Variants in MUC12 observed in about 807,000 individuals in gnomAD.
MUC12 encodes mucin-12.
A neutral mutation model predicts 230.8 loss-of-function variants in MUC12; 172 were observed. The ratio of observed to expected loss-of-function variants is 0.75; its 90% confidence interval spans 0.66 to 0.85. The LOEUF is 0.85. Among genes scored for constraint, MUC12 ranks in the 40% least tolerant of loss-of-function variants. The pLI is 0.00. For synonymous variants in MUC12, 1,259 were observed against 2,401.9 expected (o/e 0.52, Z 13.91); for missense variants, 3,506 against 5,920.6 (o/e 0.59, Z 13.38).
chr7:100,974,103 T>G (rs192223871), intron 1 of MUC12, among the ~76,000 whole-genome samples: 375 of 152,238 alleles, frequency 2.5e-3, no homozygotes, highest in African/African-American at 8.8e-3. Flanking sequence ...GAGCTGTGAT[T>G]GCACCATTAC....
chr7:101,018,639 C>T lies in MUC12; in HGVS notation c.*3C>T. ...AGATGGTAGCATCCACTGTGTGAGC[C>T]AACGGGGGCCTCCCACCCTCATCTA... On this transcript the variant is annotated 3_prime_UTR_variant, in exon 12 of 12. Transcript: ENST00000536621. 1.3e-6 allele frequency: 2 copies of T among 1,535,680 alleles called. No individual in the cohort carries two copies. The highest frequency in any genetic ancestry group is 1.7e-6 in the Non-Finnish European group (2 of 1,146,038).
chr7:101,004,422 G>T lies in MUC12; in HGVS notation c.13859G>T (p.Ser4620Ile), dbSNP rs776249063. The T allele has an allele frequency of 2.0e-6, 3 of 1,512,622 alleles. No individual in the cohort carries two copies. The highest frequency in any genetic ancestry group is 1.2e-5 in the South Asian group (1 of 82,636). The allele number at this position is 1,512,622 out of a possible 1,614,324, so 93.7% of individuals were successfully genotyped here. A position where few individuals can be genotyped will look rare whatever the true frequency, so the allele number is the denominator to read the frequency against. Residue 4620 changes from serine (S) to isoleucine (I), a missense_variant, in exon 2 of 12, where the codon AGC becomes ATC. Physicochemically the swap from Ser to Ile is moderately radical, Grantham distance 142 (BLOSUM62 -2). Coordinates refer to ENST00000536621, the MANE Select transcript of MUC12 (RefSeq NM_001164462.2). The stretch of plus-strand genomic sequence containing the variant: ...ACTCAAACAATGCACTTCCCTGAAA[G>T]CTCCACAGCTTCAGGTCGTAGTGAA... ...GSTQTMHFPESSTASGRSEES... is the reference protein window; with the variant it reads ...GSTQTMHFPEISTASGRSEES...
rs942465475 is a variant in MUC12, at chr7:101,018,791, T to G, written c.*155T>G. The G allele has an allele frequency of 5.7e-6, 4 of 695,992 alleles. No homozygotes were observed. The highest frequency in any genetic ancestry group is 5.6e-5 in the African/African-American group (3 of 53,344). The allele number at this position is 695,992 out of a possible 1,614,324, so 43.1% of individuals were successfully genotyped here. A position where few individuals can be genotyped will look rare whatever the true frequency, so the allele number is the denominator to read the frequency against. Reference sequence around the variant, plus strand: ...TGACAGACTTGGCCAGTCCCCTGCCTGTGCTCCTGCTGGGGAAGGCTGGGG... The same window carrying G: ...TGACAGACTTGGCCAGTCCCCTGCCGGTGCTCCTGCTGGGGAAGGCTGGGG... On this transcript the variant is annotated 3_prime_UTR_variant, in exon 12 of 12. Coordinates refer to ENST00000536621, the MANE Select transcript of MUC12 (RefSeq NM_001164462.2).
rs1793279296 is a variant in MUC12, at chr7:100,990,971, A to C, written c.408A>C (p.Lys136Asn). The part of the protein sequence containing the change: ...GSTTTAGLSE[K>N]STTFYSSPRS... ...CCACAACAGCAGGCCTGAGTGAGAAATCTACCACCTTCTACAGTAGCCCCA... is the reference window on the plus strand; with the variant it reads ...CCACAACAGCAGGCCTGAGTGAGAACTCTACCACCTTCTACAGTAGCCCCA... The change falls in exon 2 of 12, where the codon AAA becomes AAC. Residue 136 changes from lysine (K) to asparagine (N), a missense_variant. Transcript: ENST00000536621. The C allele has an allele frequency of 6.5e-7, 1 of 1,537,864 alleles. No homozygotes were observed. The highest frequency in any genetic ancestry group is 2.0e-5 in the Admixed American group (1 of 50,994).
chr7:100,995,882 C>G lies in MUC12; in HGVS notation c.5319C>G (p.His1773Gln), dbSNP rs1377325616. The change falls in exon 2 of 12, where the codon CAC (histidine) becomes CAG (glutamine). Residue 1773 changes from histidine (H) to glutamine (Q), a missense_variant. Coordinates refer to ENST00000536621, the MANE Select transcript of MUC12 (RefSeq NM_001164462.2). The part of the protein sequence containing the change: ...SGLVEESTAY[H>Q]SSPGSTQTMH... ...TCGTTGAAGAATCTACGGCGTACCA[C>G]AGCAGCCCGGGCTCAACTCAAACAA... is the stretch of plus-strand genomic sequence containing the variant. 1.4e-6 allele frequency: 2 copies of G among 1,425,762 alleles called. No individual in the cohort carries two copies. The highest frequency in any genetic ancestry group is 1.9e-6 in the Non-Finnish European group (2 of 1,063,994). The allele number at this position is 1,425,762 out of a possible 1,614,324, so 88.3% of individuals were successfully genotyped here.
Position 100,991,183 on chromosome 7 carries a change from T to C in MUC12, c.620T>C (p.Leu207Pro), listed in dbSNP as rs1282510160. ...ATCCCCGGCTCCACAGACACAACACTGTCCCCTGGCACTACCACACCATCA... is the reference window on the plus strand; with the variant it reads ...ATCCCCGGCTCCACAGACACAACACCGTCCCCTGGCACTACCACACCATCA... ...HSIPGSTDTT[L>P]SPGTTTPSSL... Residue 207 changes from leucine to proline, a missense_variant, in exon 2 of 12, where the codon CTG becomes CCG. Coordinates refer to ENST00000536621, the MANE Select transcript of MUC12 (RefSeq NM_001164462.2). 2.0e-6 allele frequency: 3 copies of C among 1,537,366 alleles called. No individual in the cohort carries two copies. The highest frequency in any genetic ancestry group is 1.7e-6 in the Non-Finnish European group (2 of 1,146,790).
chr7:101,006,485 G>A lies in MUC12; in HGVS notation c.14971G>A (p.Gly4991Arg), dbSNP rs1562792682. ...ETLAPGLCQE[G>R]QIWNGKQCVC... ...TCTCTCCACAGGGTTGTGCCAGGAA[G>A]GACAAATTTGGAATGGAAAACAATG... Residue 4991 changes from glycine (G) to arginine (R), a missense_variant, in exon 3 of 12, where the codon GGA becomes AGA. Gly to Arg is a moderately radical substitution (Grantham distance 125). Transcript: ENST00000536621. 1.3e-6 allele frequency: 2 copies of A among 1,537,086 alleles called. No individual in the cohort carries two copies. The highest frequency in any genetic ancestry group is 4.9e-5 in the East Asian group (2 of 40,916).
At chr7:101,008,211 C>G (rs112348912) in intron 3 of MUC12, among the ~76,000 whole-genome samples, 2,479 of 152,176 alleles carry the variant, frequency 0.016, 69 homozygotes, top group African/African-American at 0.056. Context: ...ACCACAGCCT[C>G]GAACTCCTGG....
rs1000594386 is a variant in MUC12 at position 100,973,988 on chromosome 7, TA to T, written c.67+4310del. The stretch of plus-strand genomic sequence containing the variant: ...GGCAACATAGGGAGACCCCATCTCT[TA>T]AAAAAAAAAATTAGCCAGTCATAGT... On this transcript the variant is annotated intron_variant, in intron 1 of 11. Transcript: ENST00000536621. Among the ~76,000 whole-genome samples the T allele has an allele frequency of 2.0e-3, 291 of 147,454 alleles. 1 individual carries two copies. Among genetic ancestry groups the T allele is most frequent in the African/African-American group, 5.7e-3 (231 of 40,426 alleles).
At chr7:101,017,488 T>C in intron 10 of MUC12, 87 bp from the exon 11 acceptor site, 1 of 837,492 alleles carries the variant, frequency 1.2e-6, no homozygotes. Flanking sequence ...CCGGGCTGAC[T>C]CTTCCTTTTG....
At chr7:100,990,584 G>A in intron 1 of MUC12, 47 bp from the exon 2 acceptor site, 2 of 1,534,592 alleles carry the variant, frequency 1.3e-6, no homozygotes, top group Non-Finnish European at 1.7e-6. Flanking sequence ...AACATGAGGA[G>A]ACAGTCATAA....
Position 100,990,931 on chromosome 7 carries a change from C to T in MUC12, c.368C>T (p.Ala123Val), listed in dbSNP as rs180939983. 231 of 1,537,898 alleles carry T rather than the reference C, an allele frequency of 1.5e-4. 1 individual carries two copies. In the East Asian group the frequency reaches 3.6e-3, roughly 24 times the overall value. The change falls in exon 2 of 12, where the codon GCG (alanine) becomes GTG (valine). Residue 123 changes from alanine (A) to valine (V), a missense_variant. Coordinates refer to ENST00000536621, the MANE Select transcript of MUC12 (RefSeq NM_001164462.2). ...ACTTCAGCCTCAATGGAAACAACAG[C>T]GTTACCTGGCAGTACCACAACAGCA... is the stretch of plus-strand genomic sequence containing the variant. ...PITSASMETT[A>V]LPGSTTTAGL...
In MUC12 at chr7:101,003,556, C is replaced by A. The variant is rs1391383825; in HGVS notation, c.12993C>A (p.Ser4331Arg). Residue 4331 changes from serine (S) to arginine (R), a missense_variant, in exon 2 of 12, where the codon AGC (serine) becomes AGA (arginine). Transcript: ENST00000536621. The part of the protein sequence containing the change: ...TRQGESTTFQ[S>R]WPNSKDTTPA... The stretch of plus-strand genomic sequence containing the variant: ...AGGGAGAATCTACCACCTTCCAGAG[C>A]TGGCCAAACTCGAAGGACACTACCC... 5 of 1,530,194 alleles carry A rather than the reference C, an allele frequency of 3.3e-6. No homozygotes were observed. Among genetic ancestry groups the A allele is most frequent in the Middle Eastern group, 1.7e-4 (1 of 6,010 alleles). 94.8% of individuals were successfully genotyped at this position (1,530,194 alleles called of 1,614,324 possible).
chr7:101,018,817 G>T lies in MUC12; in HGVS notation c.*181G>T, dbSNP rs1299982937. On this transcript the variant is annotated 3_prime_UTR_variant, in exon 12 of 12. Transcript: ENST00000536621. ...GTGCTCCTGCTGGGGAAGGCTGGGGGCTGTAAGCCTCTCCATCCGGGAGCT... is the reference window on the plus strand; with the variant it reads ...GTGCTCCTGCTGGGGAAGGCTGGGGTCTGTAAGCCTCTCCATCCGGGAGCT... 3.6e-6 allele frequency: 2 copies of T among 562,870 alleles called. No individual in the cohort carries two copies. Among genetic ancestry groups the T allele is most frequent in the Middle Eastern group, 3.0e-4 (1 of 3,336 alleles). 34.9% of individuals were successfully genotyped at this position (562,870 alleles called of 1,614,324 possible).
At chr7:100,981,918 G>C (rs1328296920) in intron 1 of MUC12, among the ~76,000 whole-genome samples, 1 of 147,254 alleles carries the variant, frequency 6.8e-6, no homozygotes, top group Admixed American at 6.8e-5. Flanking sequence ...CCAGACTGGA[G>C]TGCAGTGGTG....
rs1442442669 is a variant in MUC12 at position 100,987,345 on chromosome 7, G to A, written c.68-3286G>A. 3.3e-5 allele frequency among the ~76,000 whole-genome samples: 5 copies of A among 152,154 alleles called. No homozygotes were observed. The East Asian group carries it at 9.6e-4, about 29-fold the overall frequency. On this transcript the variant is annotated intron_variant, in intron 1 of 11. Coordinates refer to ENST00000536621, the MANE Select transcript of MUC12 (RefSeq NM_001164462.2). ...GCCTCCCAAAGTGCTGGGATTATGG[G>A]TGTGAGTCACTGCACCCAGCCTAGC...
At position 100,991,294 on chromosome 7, in the gene MUC12, G is replaced by A. The variant is rs1290897603; in HGVS notation, c.731G>A (p.Gly244Asp). The change falls in exon 2 of 12, where the codon GGC (glycine) becomes GAC (aspartate). Residue 244 changes from glycine (G) to aspartate (D), a missense_variant. Coordinates refer to ENST00000536621, the MANE Select transcript of MUC12 (RefSeq NM_001164462.2). The stretch of plus-strand genomic sequence containing the variant: ...TTACCTGACAACACCACAACCTCAG[G>A]CCTCCTTGAAGCATCTACGCCCGTC... ...TRLPDNTTTSGLLEASTPVHS... is the reference protein window; with the variant it reads ...TRLPDNTTTSDLLEASTPVHS... 11 of 1,537,460 alleles carry A rather than the reference G, an allele frequency of 7.2e-6. No individual in the cohort carries two copies. The highest frequency in any genetic ancestry group is 1.4e-5 in the African/African-American group (1 of 72,930).
chr7:100,976,922 G>A (rs527417727), intron 1 of MUC12, among the ~76,000 whole-genome samples: 1 of 151,620 alleles, frequency 6.6e-6, no homozygotes, highest in African/African-American at 2.4e-5. Flanking sequence ...ATGGTGGCAG[G>A]TTCCTGTAAT....
Position 100,994,042 on chromosome 7 carries a change from T to C in MUC12, c.3479T>C (p.Val1160Ala), listed in dbSNP as rs1410213172. Residue 1160 changes from valine to alanine, a missense_variant, in exon 2 of 12, where the codon GTC becomes GCC. Coordinates refer to ENST00000536621, the MANE Select transcript of MUC12 (RefSeq NM_001164462.2). ...GGCCTCAGTGAGGAATCTACCACCG[T>C]CTACAGCAGCAGCCGAGGCTCAACT... ...TPGLSEESTT[V>A]YSSSRGSTET... is the part of the protein sequence containing the mutation. 1 of 1,023,292 alleles carries C rather than the reference T, an allele frequency of 9.8e-7. No homozygotes were observed. Among genetic ancestry groups the C allele is most frequent in the South Asian group, 1.7e-5 (1 of 60,472 alleles). 63.4% of individuals were successfully genotyped at this position (1,023,292 alleles called of 1,614,324 possible). A position where few individuals can be genotyped will look rare whatever the true frequency, so the allele number is the denominator to read the frequency against.
Sources: gnomAD v4.1 joint callset for allele counts (sites outside exome capture counted in the v4.1 genomes callset) on GRCh38, gnomAD v4.1.1 for gene constraint, MANE v1.5 for transcripts, NCBI Gene and HGNC (gene_info 2026-07-23, HGNC 2026-07-21) for gene names.